The following USP35 variants were observed in gnomAD, a reference collection of about 807,000 sequenced individuals.
USP35 encodes ubiquitin specific peptidase 35, also known as ubiquitin carboxyl-terminal hydrolase 35.
Under a neutral mutation model 83.8 loss-of-function variants are expected in USP35, and 69 were observed. That is an observed-to-expected ratio of 0.82 (90% CI 0.68 to 1.01). The LOEUF (loss-of-function observed/expected upper bound fraction) is 1.01. USP35 is among the 50% of genes least tolerant of loss of function. The pLI, the probability that USP35 is intolerant of heterozygous loss-of-function variation, is 0.00. For missense variants in USP35, 1,503 were observed against 1,362.5 expected (o/e 1.10, Z -1.62); for synonymous variants, 714 against 589.5 (o/e 1.21, Z -3.06).
intron 5 of USP35, among the ~76,000 whole-genome samples, 158 bp downstream of exon 5, chr11:78,200,392 C>T (rs1002782519): frequency 2.6e-5 from 4 of 152,226 alleles, no homozygotes; most frequent in African/African-American, 9.6e-5. Context: ...GGGCTCTGGC[C>T]TCCCTTTGAC....
At position 78,214,883 on chromosome 11, in the gene USP35, GACTT is replaced by G. The variant is rs10532208; in HGVS notation, c.*1077_*1080del. ...GTGTAAGTAAACGTGTGGACTGACT[GACTT>G]ACTTACCTTACTGAGGGCTGGGTGA... On this transcript the variant is annotated 3_prime_UTR_variant, in exon 11 of 11. Transcript: ENST00000529308. Among the ~76,000 whole-genome samples, 40,237 of 151,616 alleles carry G rather than the reference GACTT, an allele frequency of 0.27. 6,150 individuals are homozygous for G. The highest frequency in any genetic ancestry group is 0.41 in the African/African-American group (16,909 of 41,202).
rs1408868875 is a variant in USP35 at position 78,209,715 on chromosome 11, C to T, written c.1860C>T (p.Asp620=). ...GCTCTGTGATGCGCCCCACAGAAGA[C>T]ATCACAGCCCGGGAGTTGCCCCCAC... The part of the protein sequence containing the change: ...RLGSVMRPTE[D]ITARELPPPT... The change falls in exon 10 of 11, where the codon GAC becomes GAT. Residue 620 remains aspartate (D), a synonymous_variant. Transcript: ENST00000529308. 6.2e-7 allele frequency: 1 copy of T among 1,614,102 alleles called. No individual in the cohort carries two copies. The highest frequency in any genetic ancestry group is 8.5e-7 in the Non-Finnish European group (1 of 1,179,988).
Position 78,196,285 on chromosome 11 carries a change from C to G in USP35, c.40C>G (p.Pro14Ala). The change falls in exon 2 of 11, where the codon CCG (proline) becomes GCG (alanine). Residue 14 changes from proline to alanine, a missense_variant. Coordinates refer to ENST00000529308, the MANE Select transcript of USP35 (RefSeq NM_020798.4). This position sits in a 1 kb window ranked among gnomAD's most constrained non-coding sequence, Gnocchi z 4.8. Reference sequence around the variant, plus strand: ...GGAGGCGGTGGTGACGTCGTCATACCCGGTCAGCGTGAAGCAGGGGCTGGT... The same window carrying G: ...GGAGGCGGTGGTGACGTCGTCATACGCGGTCAGCGTGAAGCAGGGGCTGGT... ...ILEAVVTSSYPVSVKQGLVRR... is the reference protein window; with the variant it reads ...ILEAVVTSSYAVSVKQGLVRR... 1 of 1,595,342 alleles carries G rather than the reference C, an allele frequency of 6.3e-7. No individual in the cohort carries two copies. Among genetic ancestry groups the G allele is most frequent in the African/African-American group, 1.3e-5 (1 of 74,442 alleles).
At chr11:78,224,366 A>G in the USP35 span, among the ~76,000 whole-genome samples, 1 of 152,074 alleles carries the variant, frequency 6.6e-6, no homozygotes, top group Admixed American at 6.6e-5. Context: ...GATCAGAACA[A>G]GGAGCATATT....
At chr11:78,223,389 G>A in the USP35 span, 217 of 1,500,562 alleles carry the variant, frequency 1.4e-4, 1 homozygote, top group African/African-American at 2.8e-3. Flanking sequence ...CCAGAGATGG[G>A]ACAGGGGAAA....
intron 1 of USP35, among the ~76,000 whole-genome samples, chr11:78,191,271 G>A (rs1862996171): frequency 6.6e-6 from 1 of 152,226 alleles, no homozygotes; most frequent in Admixed American, 6.5e-5. Flanking sequence ...AGGGTCATCC[G>A]AGAGGAACAG....
the USP35 span, among the ~76,000 whole-genome samples, chr11:78,223,966 C>T: frequency 6.6e-6 from 1 of 152,128 alleles, no homozygotes; most frequent in African/African-American, 2.4e-5. Flanking sequence ...CTTGTAGTCC[C>T]AGCTACTCAG....
At position 78,200,299 on chromosome 11, in the gene USP35, C is replaced by T. The variant is rs946821655; in HGVS notation, c.1038+65C>T. ...CTGCTGCCCCTGGTAAGGGCCCTGC[C>T]TACTGCCCCTGGTAAGGGCCCTGCC... On this transcript the variant is annotated intron_variant, in intron 5 of 10. Transcript: ENST00000529308. 2.1e-5 allele frequency: 32 copies of T among 1,539,156 alleles called. 1 individual carries two copies. In the African/African-American group the frequency reaches 3.9e-4, roughly 19 times the overall value.
chr11:78,200,104 G>A, intron 4 of USP35, 29 bp from the exon 5 acceptor site: 1 of 1,612,496 alleles, frequency 6.2e-7, no homozygotes, highest in Non-Finnish European at 8.5e-7. Flanking sequence ...CTCAAGCCTG[G>A]GGACTCCTGA....
the USP35 span, among the ~76,000 whole-genome samples, chr11:78,232,942 A>C: frequency 6.6e-6 from 1 of 151,990 alleles, no homozygotes; most frequent in African/African-American, 2.4e-5. Context: ...TTAAAGCATC[A>C]TTTCTTTCTT....
At chr11:78,199,841 C>A (rs768161381) in intron 4 of USP35, 117 bp downstream of exon 4, 137 of 1,520,986 alleles carry the variant, frequency 9.0e-5, no homozygotes, top group Non-Finnish European at 1.2e-4. Context: ...GCTGTGTGAC[C>A]TGGGCGAATT....
Position 78,205,998 on chromosome 11 carries a change from G to A in USP35, c.1354G>A (p.Val452Ile), listed in dbSNP as rs1397390309. 1.2e-6 allele frequency: 2 copies of A among 1,614,242 alleles called. No individual in the cohort carries two copies. The highest frequency in any genetic ancestry group is 1.7e-6 in the Non-Finnish European group (2 of 1,180,028). Residue 452 changes from valine to isoleucine, a missense_variant, in exon 7 of 11, where the codon GTC becomes ATC. Physicochemically the swap from Val to Ile is conservative, Grantham distance 29 (BLOSUM62 3). Transcript: ENST00000529308. ...CATCAACCTGGGCAACACATGCTATGTCAACAGCATCCTTCAGGCCTTATT... is the reference window on the plus strand; with the variant it reads ...CATCAACCTGGGCAACACATGCTATATCAACAGCATCCTTCAGGCCTTATT... ...GLINLGNTCY[V>I]NSILQALFMA...
Position 78,199,788 on chromosome 11 carries a change from G to T in USP35, c.936+64G>T, listed in dbSNP as rs1863282014. On this transcript the variant is annotated intron_variant, in intron 4 of 10. Coordinates refer to ENST00000529308, the MANE Select transcript of USP35 (RefSeq NM_020798.4). The stretch of plus-strand genomic sequence containing the variant: ...GTACTAGGCTCTTGCCAGGGGCGGT[G>T]CAGGTCTGGGAGGTCAGAGCATTGG... 2.5e-6 allele frequency: 4 copies of T among 1,610,040 alleles called. No homozygotes were observed. In the South Asian group the frequency reaches 4.4e-5, roughly 18 times the overall value.
At chr11:78,226,267 A>G in the USP35 span, among the ~76,000 whole-genome samples, 2 of 152,214 alleles carry the variant, frequency 1.3e-5, no homozygotes, top group Non-Finnish European at 2.9e-5. Flanking sequence ...CTGTTAGACA[A>G]CTACTACTAA....
intron 1 of USP35, among the ~76,000 whole-genome samples, chr11:78,195,185 C>A (rs75177256): frequency 8.3e-4 from 127 of 152,268 alleles, no homozygotes; most frequent in African/African-American, 2.9e-3. Flanking sequence ...CTAACTGATT[C>A]CAGCTGTAAT....
downstream of USP35, among the ~76,000 whole-genome samples, chr11:78,219,901 G>C (rs1351651936): frequency 1.3e-5 from 2 of 152,174 alleles, no homozygotes; most frequent in African/African-American, 4.8e-5. Flanking sequence ...CTCCTGGGGA[G>C]GCTTTCCCAG....
At chr11:78,215,437 A>AATATGTTAC (rs1565410032), downstream of USP35, 3 of 152,646 alleles carry the variant, frequency 2.0e-5, no homozygotes, top group African/African-American at 7.2e-5. Context: ...CCACCGGATA[A>AATATGTTAC]ATATGTTACA....
chr11:78,203,164 A>G (rs1863410056), intron 6 of USP35, among the ~76,000 whole-genome samples: 1 of 152,088 alleles, frequency 6.6e-6, no homozygotes, highest in Non-Finnish European at 1.5e-5. Flanking sequence ...GATGATACAG[A>G]TACAGTCCTT....
At chr11:78,234,041 A>AC in the USP35 span, among the ~76,000 whole-genome samples, 1 of 152,250 alleles carries the variant, frequency 6.6e-6, no homozygotes, top group South Asian at 2.1e-4. Context: ...ATCTTTGCTT[A>AC]CCTCAAGATC....
Sources: gnomAD v4.1 joint callset for allele counts (sites outside exome capture counted in the v4.1 genomes callset) on GRCh38, gnomAD v4.1.1 for gene constraint, Gnocchi (gnomAD v3.1) non-coding constraint, MANE v1.5 for transcripts, NCBI Gene and HGNC (gene_info 2026-07-23, HGNC 2026-07-21) for gene names.